CWF19L2: variants seen among roughly 807,000 people sequenced by gnomAD.
The protein encoded by CWF19L2 is CWF19-like protein 2.
Under a neutral mutation model 111.7 loss-of-function variants are expected in CWF19L2, and 98 were observed. The ratio of observed to expected loss-of-function variants is 0.88; its 90% CI spans 0.75 to 1.04. CWF19L2 has a LOEUF of 1.04. CWF19L2 is among the 50% of genes least tolerant of loss of function. The probability of loss-of-function intolerance (pLI) is 0.00; values close to 1 mark genes in which losing one functional copy is unlikely to be tolerated. For missense variants in CWF19L2, 1,101 were observed against 1,051.4 expected (o/e 1.05, Z -0.65); for synonymous variants, 351 against 342.9 (o/e 1.02, Z -0.26).
chr11:107,362,881 C>T (rs949571335), intron 12 of CWF19L2, among the ~76,000 whole-genome samples: 17 of 152,000 alleles, frequency 1.1e-4, no homozygotes, highest in East Asian at 3.9e-4. Context: ...CTCCGACCTA[C>T]GGGAGGACAC....
At chr11:107,388,745 G>A (rs1860807402) in intron 12 of CWF19L2, among the ~76,000 whole-genome samples, 1 of 152,056 alleles carries the variant, frequency 6.6e-6, no homozygotes, top group Admixed American at 6.6e-5. Context: ...AACTTGAACG[G>A]TTTATAAGAT....
chr11:107,389,531 C>T (rs1860817906), intron 12 of CWF19L2, among the ~76,000 whole-genome samples: 1 of 152,030 alleles, frequency 6.6e-6, no homozygotes, highest in Admixed American at 6.5e-5. Flanking sequence ...GAAGAGACTT[C>T]AATGGAAGAA....
At chr11:107,350,693 T>C (rs1860144835) in intron 13 of CWF19L2, among the ~76,000 whole-genome samples, 1 of 151,776 alleles carries the variant, frequency 6.6e-6, no homozygotes, top group Non-Finnish European at 1.5e-5. Flanking sequence ...ACAATGTAAA[T>C]GTAAAGTAAA....
At position 107,357,756 on chromosome 11, in the gene CWF19L2, A is replaced by G. The variant is rs144209103; in HGVS notation, c.1873-4020T>C. Among the ~76,000 whole-genome samples, 8 of 152,274 alleles carry G rather than the reference A, an allele frequency of 5.3e-5. No homozygotes were observed. In the East Asian group the frequency reaches 1.5e-3, roughly 29 times the overall value. On this transcript the variant is annotated intron_variant, in intron 12 of 17. Transcript: ENST00000282251. Reference sequence around the variant, plus strand: ...TTAGGCTTTGATACAAATATTTTTAATTTATCAATCATATATACCTCTTCT... The same window carrying G: ...TTAGGCTTTGATACAAATATTTTTAGTTTATCAATCATATATACCTCTTCT...
chr11:107,348,983 T>A lies in CWF19L2; in HGVS notation c.2156A>T (p.His719Leu). Residue 719 changes from histidine (H) to leucine (L), a missense_variant, in exon 14 of 18, where the codon CAT becomes CTT. Physicochemically the swap from His to Leu is moderately conservative, Grantham distance 99. Transcript: ENST00000282251. ...GHCLIVPLQH[H>L]RAATLLDEDI... is the part of the protein sequence containing the mutation. Reference sequence around the variant, plus strand: ...TTCATCCAACAAAGTAGCTGCTCTATGGTGCTGCAAAGGGACTATCAGGCA... The same window carrying A: ...TTCATCCAACAAAGTAGCTGCTCTAAGGTGCTGCAAAGGGACTATCAGGCA... The A allele has an allele frequency of 6.2e-7, 1 of 1,611,336 alleles. No individual in the cohort carries two copies. Among genetic ancestry groups the A allele is most frequent in the Non-Finnish European group, 8.5e-7 (1 of 1,178,174 alleles).
intron 10 of CWF19L2, among the ~76,000 whole-genome samples, chr11:107,407,860 C>T (rs1861102979): frequency 1.3e-5 from 2 of 151,986 alleles, no homozygotes; most frequent in Non-Finnish European, 1.5e-5. Context: ...TTTTTAACTA[C>T]CCCAGAAAGC....
chr11:107,334,650 T>C (rs550573140), intron 16 of CWF19L2, among the ~76,000 whole-genome samples: 49 of 152,322 alleles, frequency 3.2e-4, no homozygotes, highest in African/African-American at 1.2e-3. Flanking sequence ...GGGACTACAG[T>C]GGCAGAAGGC....
At chr11:107,356,587 A>G (rs1247323890) in intron 12 of CWF19L2, among the ~76,000 whole-genome samples, 3 of 152,196 alleles carry the variant, frequency 2.0e-5, no homozygotes, top group Non-Finnish European at 4.4e-5. Context: ...TTTTAACTTT[A>G]TATCTTCATC....
intron 9 of CWF19L2, among the ~76,000 whole-genome samples, chr11:107,416,677 T>C (rs4753805): frequency 0.21 from 32,600 of 152,180 alleles, 3,676 homozygotes; most frequent in African/African-American, 0.28. Context: ...ACCTTCTTTA[T>C]TGTTGATAAT....
chr11:107,338,652 A>G (rs1859962509), intron 14 of CWF19L2, among the ~76,000 whole-genome samples: 1 of 152,068 alleles, frequency 6.6e-6, no homozygotes, highest in South Asian at 2.1e-4. Context: ...TCCCATTTAT[A>G]AGAAAGACCA....
chr11:107,363,314 T>A, intron 12 of CWF19L2, among the ~76,000 whole-genome samples: 1 of 151,970 alleles, frequency 6.6e-6, no homozygotes, highest in Admixed American at 6.6e-5. Context: ...ATTCAGGAAG[T>A]ACAGAGAATG....
At chr11:107,397,861 CGT>C (rs1014846407) in intron 10 of CWF19L2, among the ~76,000 whole-genome samples, 8 of 152,178 alleles carry the variant, frequency 5.3e-5, no homozygotes, top group Admixed American at 3.9e-4. Flanking sequence ...GAAAACCCCC[CGT>C]ACCAGCCCAT....
At chr11:107,360,900 T>C (rs1004615556) in intron 12 of CWF19L2, among the ~76,000 whole-genome samples, 1 of 152,202 alleles carries the variant, frequency 6.6e-6, no homozygotes, top group South Asian at 2.1e-4. Flanking sequence ...CAAATGCATA[T>C]TTTGCAAATA....
rs60904777 is a variant in CWF19L2 at position 107,357,045 on chromosome 11, CAAAACAAAAACA to C, written c.1873-3321_1873-3310del. On this transcript the variant is annotated intron_variant, in intron 12 of 17. Coordinates refer to ENST00000282251, the MANE Select transcript of CWF19L2 (RefSeq NM_152434.3). ...AAGAGTGAAACTGCGTCTCAAACAA[CAAAACAAAAACA>C]AAAACAAAAACAAAAACAAAAAACC... Among the ~76,000 whole-genome samples the C allele has an allele frequency of 7.9e-5, 12 of 151,078 alleles. No homozygotes were observed. In the South Asian group the frequency reaches 1.0e-3, roughly 13 times the overall value.
At chr11:107,397,788 A>C (rs1253335577) in intron 10 of CWF19L2, among the ~76,000 whole-genome samples, 1 of 152,180 alleles carries the variant, frequency 6.6e-6, no homozygotes, top group African/African-American at 2.4e-5. Context: ...CACATCCACC[A>C]GAACAAGCAG....
intron 13 of CWF19L2, among the ~76,000 whole-genome samples, chr11:107,350,706 G>A (rs1327745449): frequency 6.6e-6 from 1 of 152,066 alleles, no homozygotes; most frequent in African/African-American, 2.4e-5. Context: ...AAAGTAAAAT[G>A]CACAATATGT....
At chr11:107,361,410 T>C (rs557981274) in intron 12 of CWF19L2, among the ~76,000 whole-genome samples, 1 of 152,206 alleles carries the variant, frequency 6.6e-6, no homozygotes, top group Non-Finnish European at 1.5e-5. Flanking sequence ...GCTTTGCAGC[T>C]TTGGGTTTTT....
intron 16 of CWF19L2, among the ~76,000 whole-genome samples, chr11:107,331,150 T>C (rs1006116464): frequency 1.3e-5 from 2 of 152,182 alleles, no homozygotes; most frequent in African/African-American, 2.4e-5. Context: ...TTTTTAAATA[T>C]AATAATCATG....
At chr11:107,345,150 G>A (rs558997232) in intron 14 of CWF19L2, among the ~76,000 whole-genome samples, 2 of 152,246 alleles carry the variant, frequency 1.3e-5, no homozygotes, top group South Asian at 4.1e-4. Flanking sequence ...ATACAAATTT[G>A]CTATTATGAC....
Sources: gnomAD v4.1 joint callset for allele counts (sites outside exome capture counted in the v4.1 genomes callset) on GRCh38, gnomAD v4.1.1 for gene constraint, MANE v1.5 for transcripts, NCBI Gene and HGNC (gene_info 2026-07-23, HGNC 2026-07-21) for gene names.